The following OPN1SW variants were observed in gnomAD, a reference collection of about 807,000 sequenced individuals.
The protein encoded by OPN1SW is opsin 1, short wave sensitive.
Under a neutral mutation model 31.9 loss-of-function variants are expected in OPN1SW, and 25 were observed. That is an observed-to-expected ratio of 0.78 (90% CI 0.57 to 1.09). OPN1SW has a LOEUF of 1.09. Among genes scored for constraint, OPN1SW ranks in the 50% least tolerant of loss-of-function variants. The pLI is 0.00. For synonymous variants in OPN1SW, 190 were observed against 171.9 expected (o/e 1.11, Z -0.82); for missense variants, 424 against 448.0 (o/e 0.95, Z 0.48).
At chr7:128,774,771 T>C (rs1801722660) in intron 2 of OPN1SW, 108 bp from the exon 3 acceptor site, 2 of 1,505,716 alleles carry the variant, frequency 1.3e-6, no homozygotes, top group Non-Finnish European at 1.8e-6. Context: ...GCCCTAAGGC[T>C]TCAAGCAGGG....
Position 128,775,113 on chromosome 7 carries a change from G to A in OPN1SW, c.385C>T (p.Arg129Cys), listed in dbSNP as rs1160961990. Residue 129 changes from arginine to cysteine, a missense_variant, in exon 2 of 5, where the codon CGC becomes TGC. Arg to Cys is a radical substitution (Grantham distance 180). Transcript: ENST00000249389. ...AAGGGCTTACAGATGACAATGTAGC[G>A]CTCAAAGGCCAGGAAGGCCAGTGAC... is the stretch of plus-strand genomic sequence containing the variant. ...GWSLAFLAFE[R>C]YIVICKPFGN... 20 of 1,614,046 alleles carry A rather than the reference G, an allele frequency of 1.2e-5. No homozygotes were observed. Among genetic ancestry groups the A allele is most frequent in the Admixed American group, 1.7e-5 (1 of 59,998 alleles).
rs1012655029 is a variant in OPN1SW, at chr7:128,774,719, T to C, written c.513-56A>G. 2.5e-6 allele frequency: 4 copies of C among 1,607,558 alleles called. No individual in the cohort carries two copies. The African/African-American group carries it at 4.0e-5, about 16-fold the overall frequency. ...CTCTCCACAAGAGTGCAGTGGGAGCTGAGATGCCTGGATTGTGTTCTCCAC... is the reference window on the plus strand; with the variant it reads ...CTCTCCACAAGAGTGCAGTGGGAGCCGAGATGCCTGGATTGTGTTCTCCAC... On this transcript the variant is annotated intron_variant, in intron 2 of 4. Coordinates refer to ENST00000249389, the MANE Select transcript of OPN1SW (RefSeq NM_001385125.1).
At position 128,772,508 on chromosome 7, in the gene OPN1SW, C is replaced by A; in HGVS notation, c.*32G>T. On this transcript the variant is annotated 3_prime_UTR_variant, in exon 5 of 5. Transcript: ENST00000249389. Reference sequence around the variant, plus strand: ...ACTTACTTAAAAGTAAAATTTAATTCTAGCTGTTGCAAACAGGCCAATATT... The same window carrying A: ...ACTTACTTAAAAGTAAAATTTAATTATAGCTGTTGCAAACAGGCCAATATT... 1 of 1,613,804 alleles carries A rather than the reference C, an allele frequency of 6.2e-7. No individual in the cohort carries two copies. The highest frequency in any genetic ancestry group is 1.3e-5 in the African/African-American group (1 of 75,018).
In OPN1SW at chr7:128,775,038, T is replaced by G. The variant is rs1801729764; in HGVS notation, c.460A>C (p.Thr154Pro). The G allele has an allele frequency of 1.1e-5, 17 of 1,614,026 alleles. No homozygotes were observed. The highest frequency in any genetic ancestry group is 1.4e-5 in the Non-Finnish European group (16 of 1,180,026). ...GAGACGCCAATACCAATGGTCCAGG[T>G]AGCCAGGACCACCGTCAGTGCATGC... Reference protein sequence around the residue: ...SKHALTVVLATWTIGIGVSIP... With the variant: ...SKHALTVVLAPWTIGIGVSIP... Residue 154 changes from threonine to proline, a missense_variant, in exon 2 of 5, where the codon ACC becomes CCC. Thr to Pro is a conservative substitution (Grantham distance 38). Transcript: ENST00000249389.
In OPN1SW at chr7:128,773,864, C is replaced by T. The variant is rs1239463905; in HGVS notation, c.703G>A (p.Ala235Thr). The change falls in exon 4 of 5, where the codon GCT becomes ACT. Residue 235 changes from alanine (A) to threonine (T), a missense_variant. Physicochemically the swap from Ala to Thr is moderately conservative, Grantham distance 58. Coordinates refer to ENST00000249389, the MANE Select transcript of OPN1SW (RefSeq NM_001385125.1). ...KAVAAQQQES[A>T]TTQKAEREVS... ...TCCCGTTCAGCCTTCTGGGTCGTAG[C>T]TGACTCCTGCTGCTGAGCTGCAACC... is the stretch of plus-strand genomic sequence containing the variant. 13 of 1,612,542 alleles carry T rather than the reference C, an allele frequency of 8.1e-6. No individual in the cohort carries two copies. Among genetic ancestry groups the T allele is most frequent in the East Asian group, 2.2e-5 (1 of 44,888 alleles).
chr7:128,773,141 GATATTTTAGAGATTTTT>G (rs1353691447), intron 4 of OPN1SW, among the ~76,000 whole-genome samples: 7 of 152,180 alleles, frequency 4.6e-5, no homozygotes, highest in Non-Finnish European at 8.8e-5. Context: ...CAGATGATAA[GATATTTTAGAGATTTTT>G]GCATGTGGTA....
Position 128,775,569 on chromosome 7 carries a change from G to T in OPN1SW, c.213C>A (p.Val71=), listed in dbSNP as rs35893393. The T allele has an allele frequency of 0.012, 19,228 of 1,614,144 alleles. 136 individuals are homozygous for T. Among genetic ancestry groups the T allele is most frequent in the Non-Finnish European group, 0.014 (16,968 of 1,180,024 alleles). ...KLRQPLNYIL[V]NVSFGGFLLC... is the part of the protein sequence containing the mutation. ...GGAGGAAGCCTCCGAAGGACACGTT[G>T]ACCAGAATGTAGTTGAGGGGCTGCC... Residue 71 remains valine (V), a synonymous_variant, in exon 1 of 5, where the codon GTC becomes GTA. Transcript: ENST00000249389.
rs1319861973 is a variant in OPN1SW, at chr7:128,775,446, A to G, written c.336T>C (p.Thr112=). 6.2e-7 allele frequency: 1 copy of G among 1,613,334 alleles called. No homozygotes were observed. Among genetic ancestry groups the G allele is most frequent in the Non-Finnish European group, 8.5e-7 (1 of 1,179,562 alleles). ...CTTTTTCCCCTGCAGTACCTGCTACAGTGCCCAGGAAGCCCTCCAAAGCAC... is the reference window on the plus strand; with the variant it reads ...CTTTTTCCCCTGCAGTACCTGCTACGGTGCCCAGGAAGCCCTCCAAAGCAC... ...HVCALEGFLG[T]VAGLVTGWSL... The change falls in exon 1 of 5, where the codon ACT becomes ACC. Residue 112 remains threonine, a synonymous_variant. Transcript: ENST00000249389.
rs1334697002 is a variant in OPN1SW at position 128,775,670 on chromosome 7, T to G, written c.112A>C (p.Met38Leu). 2.5e-6 allele frequency: 4 copies of G among 1,614,120 alleles called. No homozygotes were observed. The East Asian group carries it at 6.7e-5, about 27-fold the overall frequency. ...AACCCTATAAGGAAGACAGTGCCCA[T>G]GAAAGCTGCCTGGAGGTAGAAGGCC... is the stretch of plus-strand genomic sequence containing the variant. Reference protein sequence around the residue: ...VWAFYLQAAFMGTVFLIGFPL... With the variant: ...VWAFYLQAAFLGTVFLIGFPL... The change falls in exon 1 of 5, where the codon ATG (methionine) becomes CTG (leucine). Residue 38 changes from methionine (M) to leucine (L), a missense_variant. Physicochemically the swap from Met to Leu is conservative, Grantham distance 15 (BLOSUM62 2). Coordinates refer to ENST00000249389, the MANE Select transcript of OPN1SW (RefSeq NM_001385125.1).
intron 2 of OPN1SW, 66 bp downstream of exon 2, chr7:128,774,920 G>GCTCTCTTTCCACCCACAT: frequency 6.3e-7 from 1 of 1,596,792 alleles, no homozygotes. Flanking sequence ...TTATACCCAA[G>GCTCTCTTTCCACCCACAT]CTCTCTTTCC....
intron 2 of OPN1SW, 119 bp from the exon 3 acceptor site, chr7:128,774,782 G>C: frequency 6.8e-7 from 1 of 1,461,306 alleles, no homozygotes; most frequent in Non-Finnish European, 9.4e-7. Context: ...TCAAGCAGGG[G>C]GGTTTTCTGT....
At chr7:128,774,784 G>T in intron 2 of OPN1SW, 121 bp from the exon 3 acceptor site, 2 of 1,451,410 alleles carry the variant, frequency 1.4e-6, no homozygotes, top group East Asian at 2.4e-5. Context: ...AAGCAGGGGG[G>T]TTTTCTGTCC....
In OPN1SW at chr7:128,773,888, C is replaced by A. The variant is rs180902396; in HGVS notation, c.679G>T (p.Val227Phe). 1.3e-5 allele frequency: 21 copies of A among 1,610,530 alleles called. No homozygotes were observed. The Admixed American group carries it at 3.2e-4, about 24-fold the overall frequency. The stretch of plus-strand genomic sequence containing the variant: ...GCTGACTCCTGCTGCTGAGCTGCAA[C>A]CTGGGGTGGAGCACGGAAAGCATCA... ...YTQLLRALKA[V>F]AAQQQESATT... Residue 227 changes from valine (V) to phenylalanine (F), a missense_variant and splice_region_variant, in exon 4 of 5, where the codon GTT (valine) becomes TTT (phenylalanine). Val to Phe is a conservative substitution (Grantham distance 50, BLOSUM62 -1). Coordinates refer to ENST00000249389, the MANE Select transcript of OPN1SW (RefSeq NM_001385125.1).
At position 128,775,353 on chromosome 7, in the gene OPN1SW, C is replaced by A. The variant is rs535238782; in HGVS notation, c.343+86G>T. 10 of 1,418,816 alleles carry A rather than the reference C, an allele frequency of 7.0e-6. No homozygotes were observed. The South Asian group carries it at 1.0e-4, about 15-fold the overall frequency. 87.9% of individuals were successfully genotyped at this position (1,418,816 alleles called of 1,614,324 possible). ...CCAGTATTTTAAAAAGCACCAGACTCATTTCCCCCAGACTCCTCTTTAGGA... is the reference window on the plus strand; with the variant it reads ...CCAGTATTTTAAAAAGCACCAGACTAATTTCCCCCAGACTCCTCTTTAGGA... On this transcript the variant is annotated intron_variant, in intron 1 of 4. Transcript: ENST00000249389.
In OPN1SW at chr7:128,772,533, T is replaced by C; in HGVS notation, c.*7A>G. 6.2e-7 allele frequency: 1 copy of C among 1,614,170 alleles called. No individual in the cohort carries two copies. Among genetic ancestry groups the C allele is most frequent in the Non-Finnish European group, 8.5e-7 (1 of 1,180,016 alleles). On this transcript the variant is annotated 3_prime_UTR_variant, in exon 5 of 5. Transcript: ENST00000249389. ...CTAGCTGTTGCAAACAGGCCAATAT[T>C]GGGTCCTCAGTTGGGGCCAACTTGG...
rs766676365 is a variant in OPN1SW, at chr7:128,773,598, G to A, written c.918+51C>T. The stretch of plus-strand genomic sequence containing the variant: ...GCTCTGAGTTAAAAGTCAATGGTGA[G>A]AAAAGAACCAGGGTCTTCTGGACCA... On this transcript the variant is annotated intron_variant, in intron 4 of 4. Transcript: ENST00000249389. 9.9e-6 allele frequency: 16 copies of A among 1,613,144 alleles called. No individual in the cohort carries two copies. The East Asian group carries it at 3.6e-4, about 36-fold the overall frequency.
chr7:128,775,265 AT>A (rs2128886211), intron 1 of OPN1SW, 111 bp from the exon 2 acceptor site: 1 of 1,339,804 alleles, frequency 7.5e-7, no homozygotes, highest in South Asian at 1.3e-5. Context: ...CTGGACTGAC[AT>A]TTGGAGTGAA....
chr7:128,772,537 TC>T lies in OPN1SW; in HGVS notation c.*2del, dbSNP rs771228886. The T allele has an allele frequency of 6.2e-7, 1 of 1,614,158 alleles. No homozygotes were observed. The highest frequency in any genetic ancestry group is 1.1e-5 in the South Asian group (1 of 91,086). ...CTGTTGCAAACAGGCCAATATTGGG[TC>T]CTCAGTTGGGGCCAACTTGGGTAGA... On this transcript the variant is annotated 3_prime_UTR_variant, in exon 5 of 5. Coordinates refer to ENST00000249389, the MANE Select transcript of OPN1SW (RefSeq NM_001385125.1).
In OPN1SW at chr7:128,773,769, G is replaced by A. The variant is rs759267524; in HGVS notation, c.798C>T (p.Ala266=). 1.2e-6 allele frequency: 2 copies of A among 1,614,140 alleles called. No homozygotes were observed. The highest frequency in any genetic ancestry group is 1.7e-6 in the Non-Finnish European group (2 of 1,180,024). The part of the protein sequence containing the change: ...CVCYVPYAAF[A]MYMVNNRNHG... ...GGTTACGGTTGTTGACCATGTACATGGCGAAGGCCGCGTAGGGCACGTAGC... is the reference window on the plus strand; with the variant it reads ...GGTTACGGTTGTTGACCATGTACATAGCGAAGGCCGCGTAGGGCACGTAGC... The change falls in exon 4 of 5, where the codon GCC becomes GCT. Residue 266 remains alanine, a synonymous_variant. Transcript: ENST00000249389.
Sources: allele counts gnomAD v4.1 joint callset (sites outside exome capture counted in the v4.1 genomes callset), GRCh38; gene constraint gnomAD v4.1.1; transcripts MANE v1.5; gene names NCBI Gene and HGNC (gene_info 2026-07-23, HGNC 2026-07-21).